The following FREM2 variants were observed in gnomAD, a reference collection of about 807,000 sequenced individuals.
The protein encoded by FREM2 is FRAS1-related extracellular matrix protein 2.
FREM2 carries 119 observed loss-of-function variants against 219.9 expected under a neutral mutation model. The ratio of observed to expected loss-of-function variants is 0.54; its 90% CI spans 0.47 to 0.63. The LOEUF (loss-of-function observed/expected upper bound fraction) is 0.63. Ranked by LOEUF, FREM2 falls within the 30% of genes least tolerant of loss-of-function variation. The pLI is 0.00. For synonymous variants in FREM2, 1,562 were observed against 1,522.8 expected, an observed-to-expected ratio of 1.03 and a Z score of -0.60; for missense variants, 4,030 against 3,993.6, an observed-to-expected ratio of 1.01 and a Z score of -0.25.
chr13:38,780,332 G>A (rs565974758), intron 4 of FREM2, among the ~76,000 whole-genome samples: 55 of 152,142 alleles, frequency 3.6e-4, no homozygotes, highest in African/African-American at 8.9e-4. Flanking sequence ...TGTTTCTTGC[G>A]CATACCACAC....
chr13:38,807,169 T>G (rs1875263178), intron 6 of FREM2, among the ~76,000 whole-genome samples: 1 of 116,746 alleles, frequency 8.6e-6, no homozygotes, highest in Non-Finnish European at 1.8e-5. Context: ...TTTGACCTTT[T>G]TGCAGAGATC....
chr13:38,749,237 T>A (rs1343408585), intron 2 of FREM2, among the ~76,000 whole-genome samples: 1 of 152,166 alleles, frequency 6.6e-6, no homozygotes, highest in African/African-American at 2.4e-5. Flanking sequence ...TCCTCACCTC[T>A]AACTTCCGAA....
intron 4 of FREM2, among the ~76,000 whole-genome samples, chr13:38,781,352 G>A (rs183538404): frequency 6.6e-6 from 1 of 150,462 alleles, no homozygotes; most frequent in African/African-American, 2.4e-5. Context: ...TTTTTTTTTC[G>A]ACTTTCCTGT....
At position 38,861,794 on chromosome 13, in the gene FREM2, G is replaced by A. The variant is rs565942446; in HGVS notation, c.7651+232G>A. 7.2e-5 allele frequency among the ~76,000 whole-genome samples: 11 copies of A among 152,226 alleles called. No individual in the cohort carries two copies. The East Asian group carries it at 7.7e-4, about 11-fold the overall frequency. Reference sequence around the variant, plus strand: ...GTAGATGTAATACATATCCAGACACGATAAAACAAAACTTTGGTACCTAGT... The same window carrying A: ...GTAGATGTAATACATATCCAGACACAATAAAACAAAACTTTGGTACCTAGT... On this transcript the variant is annotated intron_variant, in intron 15 of 23. Coordinates refer to ENST00000280481, the MANE Select transcript of FREM2 (RefSeq NM_207361.6).
At chr13:38,852,699 A>G (rs188092797) in intron 11 of FREM2, among the ~76,000 whole-genome samples, 1 of 145,046 alleles carries the variant, frequency 6.9e-6, no homozygotes, top group African/African-American at 2.5e-5. Flanking sequence ...GGGCCATGTC[A>G]CCATCTTTTT....
chr13:38,872,650 C>T, intron 16 of FREM2, 92 bp from the exon 17 acceptor site: 1 of 1,017,946 alleles, frequency 9.8e-7, no homozygotes, highest in Non-Finnish European at 1.5e-6. Context: ...TCAAAATCTT[C>T]AGTTAAGCGA....
intron 15 of FREM2, among the ~76,000 whole-genome samples, chr13:38,862,608 G>A (rs1476362500): frequency 6.6e-6 from 1 of 152,180 alleles, no homozygotes. Flanking sequence ...TGTGGGGCCG[G>A]AGTTTTGCTC....
chr13:38,787,520 T>C (rs1372175110), intron 6 of FREM2, among the ~76,000 whole-genome samples: 1 of 152,000 alleles, frequency 6.6e-6, no homozygotes, highest in Non-Finnish European at 1.5e-5. Context: ...AACCCAAAAA[T>C]GTTGACAGCA....
chr13:38,698,322 G>A (rs560392021), intron 2 of FREM2, among the ~76,000 whole-genome samples: 5 of 152,172 alleles, frequency 3.3e-5, no homozygotes, highest in African/African-American at 9.6e-5. Context: ...TAGTTTGGGG[G>A]ATTTTGTGAC....
At chr13:38,866,791 G>A (rs553825453) in intron 16 of FREM2, among the ~76,000 whole-genome samples, 57 of 151,922 alleles carry the variant, frequency 3.8e-4, no homozygotes, top group Admixed American at 7.9e-4. Context: ...GCACTTCTCC[G>A]TCTTTTGTCC....
chr13:38,706,857 C>G (rs560946454), intron 2 of FREM2, among the ~76,000 whole-genome samples: 1 of 152,228 alleles, frequency 6.6e-6, no homozygotes, highest in African/African-American at 2.4e-5. Context: ...ACTTAATCCT[C>G]ATTGCAAATA....
At chr13:38,712,673 C>A (rs75809571) in intron 2 of FREM2, among the ~76,000 whole-genome samples, 15 of 132,316 alleles carry the variant, frequency 1.1e-4, no homozygotes, top group East Asian at 1.1e-3. Flanking sequence ...CACACACACA[C>A]ACAAACACAC....
At chr13:38,703,852 C>A (rs1870435207) in intron 2 of FREM2, among the ~76,000 whole-genome samples, 1 of 152,088 alleles carries the variant, frequency 6.6e-6, no homozygotes, top group South Asian at 2.1e-4. Flanking sequence ...AGAAATTTCA[C>A]ATGATTTCAT....
intron 20 of FREM2, 121 bp downstream of exon 20, chr13:38,876,503 A>G (rs1878347373): frequency 3.5e-6 from 3 of 867,284 alleles, no homozygotes; most frequent in Non-Finnish European, 5.5e-6. Context: ...TGAAAAGAAA[A>G]GAAATCAGAC....
intron 6 of FREM2, among the ~76,000 whole-genome samples, chr13:38,831,771 A>C (rs1876520198): frequency 1.0e-5 from 1 of 96,292 alleles, no homozygotes; most frequent in African/African-American, 3.3e-5. Context: ...CTCATGCCAG[A>C]CTGAATTTTT....
chr13:38,693,685 T>C (rs1313801310), intron 1 of FREM2, among the ~76,000 whole-genome samples: 1 of 152,224 alleles, frequency 6.6e-6, no homozygotes, highest in African/African-American at 2.4e-5. Context: ...GTGGGGGTGT[T>C]CTTTTCCTGC....
In FREM2 at chr13:38,879,009, T is replaced by A. The variant is rs752859188; in HGVS notation, c.9006+32T>A. ...CAAAAACAAGCTCATTTGTAGTAGT[T>A]GTGTACCCACATGCAAGTTATGGAA... On this transcript the variant is annotated intron_variant, in intron 23 of 23. Transcript: ENST00000280481. 2.0e-5 allele frequency: 32 copies of A among 1,609,430 alleles called. No homozygotes were observed. The Admixed American group carries it at 5.2e-4, about 26-fold the overall frequency.
At chr13:38,723,921 AAGGTCATAC>A (rs1477563388) in intron 2 of FREM2, among the ~76,000 whole-genome samples, 2 of 152,188 alleles carry the variant, frequency 1.3e-5, no homozygotes, top group Non-Finnish European at 2.9e-5. Context: ...TAACTTGCTC[AAGGTCATAC>A]AGTAAGTAGC....
In FREM2 at chr13:38,813,559, CTCTCTA is replaced by C. The variant is rs1436184987; in HGVS notation, c.6019+28753_6019+28758del. ...TCTCTCTCTCTCTCTCTCTCTCTCTCTCTCTATATATATATATATATATATATATAT... is the reference window on the plus strand; with the variant it reads ...TCTCTCTCTCTCTCTCTCTCTCTCTCTATATATATATATATATATATATAT... On this transcript the variant is annotated intron_variant, in intron 6 of 23. Transcript: ENST00000280481. Among the ~76,000 whole-genome samples the C allele has an allele frequency of 1.3e-3, 12 of 9,108 alleles. 1 individual carries two copies. The highest frequency in any genetic ancestry group is 3.8e-3 in the Admixed American group (2 of 530). 6.0% of individuals were successfully genotyped at this position (9,108 alleles called of 152,430 possible). A position where few individuals can be genotyped will look rare whatever the true frequency, so the allele number is the denominator to read the frequency against.
Sources: allele counts gnomAD v4.1 joint callset (sites outside exome capture counted in the v4.1 genomes callset), GRCh38; gene constraint gnomAD v4.1.1; transcripts MANE v1.5; gene names NCBI Gene and HGNC (gene_info 2026-07-23, HGNC 2026-07-21).